KCNIP4: variants seen among roughly 807,000 people sequenced by gnomAD.
KCNIP4 encodes Kv channel-interacting protein 4.
In KCNIP4, 12 loss-of-function variants were observed where a neutral mutation model predicts 34.0. The ratio of observed to expected loss-of-function variants is 0.35; its 90% CI spans 0.23 to 0.57. The LOEUF is 0.57. KCNIP4 is among the 20% of genes least tolerant of loss of function. The pLI is 0.83. For synonymous variants in KCNIP4, 124 were observed against 102.2 expected (o/e 1.21, Z -1.29); for missense variants, 238 against 311.7 (o/e 0.76, Z 1.78).
chr4:21,147,962 A>AAAAAAAAAAAAAAAAAAAAAT (rs1553945858), intron 1 of KCNIP4, among the ~76,000 whole-genome samples: 1 of 123,874 alleles, frequency 8.1e-6, no homozygotes, highest in Non-Finnish European at 1.7e-5. Context: ...AAAAAAAAAG[A>AAAAAAAAAAAAAAAAAAAAAT]AAAAAAGTTC....
intron 1 of KCNIP4, among the ~76,000 whole-genome samples, chr4:20,988,048 T>C (rs923544077): frequency 6.8e-6 from 1 of 147,474 alleles, no homozygotes; most frequent in Admixed American, 6.9e-5. Context: ...AATTTAATCC[T>C]TTTATAGTTC....
Position 20,730,314 on chromosome 4 carries a change from G to C in KCNIP4, c.706-185C>G, listed in dbSNP as rs1398854127. The stretch of plus-strand genomic sequence containing the variant: ...ATCCATTTTCCACATAGATGACTAT[G>C]AAGGACCCATTTTATATTTTGTGGA... On this transcript the variant is annotated intron_variant, in intron 8 of 8. Coordinates refer to ENST00000382152, the MANE Select transcript of KCNIP4 (RefSeq NM_025221.6). Among the ~76,000 whole-genome samples the C allele has an allele frequency of 2.6e-5, 4 of 152,146 alleles. No individual in the cohort carries two copies. In the East Asian group the frequency reaches 7.7e-4, roughly 29 times the overall value.
intron 1 of KCNIP4, among the ~76,000 whole-genome samples, chr4:21,533,649 A>G (rs1246395072): frequency 2.6e-5 from 4 of 152,128 alleles, no homozygotes; most frequent in African/African-American, 9.7e-5. Flanking sequence ...GGAAAAACAG[A>G]AAAAAACTTT....
At chr4:20,900,700 G>A (rs954740994) in intron 1 of KCNIP4, among the ~76,000 whole-genome samples, 1 of 152,060 alleles carries the variant, frequency 6.6e-6, no homozygotes, top group African/African-American at 2.4e-5. Context: ...CTCACCTTAG[G>A]CTACTAGTTA....
At chr4:21,670,813 G>T (rs917464150) in intron 1 of KCNIP4, among the ~76,000 whole-genome samples, 10 of 151,926 alleles carry the variant, frequency 6.6e-5, no homozygotes, top group Admixed American at 5.2e-4. Context: ...CTGCAACCAC[G>T]CCCGGCTTAT....
At chr4:21,075,389 G>T (rs928933540) in intron 1 of KCNIP4, among the ~76,000 whole-genome samples, 2 of 152,130 alleles carry the variant, frequency 1.3e-5, no homozygotes, top group African/African-American at 4.8e-5. Flanking sequence ...TTACCATTAT[G>T]TAATGGCCTT....
At chr4:21,743,767 A>G (rs574892555) in intron 1 of KCNIP4, among the ~76,000 whole-genome samples, 1 of 150,916 alleles carries the variant, frequency 6.6e-6, no homozygotes, top group South Asian at 2.1e-4. Flanking sequence ...CACCACCAAG[A>G]TAACAAGAGA....
Position 21,292,158 on chromosome 4 carries a change from C to A in KCNIP4, c.62-409449G>T, listed in dbSNP as rs28678874. 5.6e-3 allele frequency among the ~76,000 whole-genome samples: 845 copies of A among 152,212 alleles called. 11 individuals carry two copies. The highest frequency in any genetic ancestry group is 0.019 in the African/African-American group (788 of 41,520). On this transcript the variant is annotated intron_variant, in intron 1 of 8. Coordinates refer to ENST00000382152, the MANE Select transcript of KCNIP4 (RefSeq NM_025221.6). ...ACTATTTGAACACATTTTGCTGGGT[C>A]TTCTCCCTGAGATATTTTACAAATT...
At chr4:21,676,451 G>C (rs912642736) in intron 1 of KCNIP4, among the ~76,000 whole-genome samples, 1 of 152,160 alleles carries the variant, frequency 6.6e-6, no homozygotes, top group South Asian at 2.1e-4. Flanking sequence ...GTTAAAGAAT[G>C]ATTATTTTTA....
chr4:21,600,143 G>C (rs1485935977), intron 1 of KCNIP4, among the ~76,000 whole-genome samples: 1 of 152,012 alleles, frequency 6.6e-6, no homozygotes, highest in Non-Finnish European at 1.5e-5. Flanking sequence ...GCCAGGCTTG[G>C]TGATGCTAAG....
intron 1 of KCNIP4, among the ~76,000 whole-genome samples, chr4:21,784,839 T>A (rs1719796229): frequency 6.6e-6 from 1 of 152,194 alleles, no homozygotes; most frequent in African/African-American, 2.4e-5. Flanking sequence ...CCAGAGTAAA[T>A]TTGATCACAC....
chr4:21,800,856 G>C (rs6448090), intron 1 of KCNIP4, among the ~76,000 whole-genome samples: 148,939 of 152,304 alleles, frequency 0.98, 72,915 homozygotes, highest in East Asian at 1. Flanking sequence ...AAACTCTCCC[G>C]ATGGCCTCAG....
chr4:21,382,451 T>C (rs1721594929), intron 1 of KCNIP4, among the ~76,000 whole-genome samples: 1 of 152,140 alleles, frequency 6.6e-6, no homozygotes. Context: ...AGAGGACCAA[T>C]AAGTTCAAAG....
chr4:21,231,253 T>A (rs1295002890), intron 1 of KCNIP4, among the ~76,000 whole-genome samples: 2 of 152,194 alleles, frequency 1.3e-5, no homozygotes, highest in African/African-American at 2.4e-5. Context: ...ATTCTTATTT[T>A]CTTAATGCAA....
chr4:21,401,668 C>T (rs1388198741), intron 1 of KCNIP4, among the ~76,000 whole-genome samples: 7 of 152,208 alleles, frequency 4.6e-5, no homozygotes, highest in African/African-American at 1.4e-4. Context: ...AGTATCCCAT[C>T]TGCAATGAGA....
intron 1 of KCNIP4, among the ~76,000 whole-genome samples, chr4:21,358,776 C>A (rs779505844): frequency 4.6e-5 from 7 of 152,078 alleles, no homozygotes; most frequent in Non-Finnish European, 1.0e-4. Flanking sequence ...GAGATAAATG[C>A]ATATCTGATT....
chr4:21,666,622 A>G (rs1367358969), intron 1 of KCNIP4, among the ~76,000 whole-genome samples: 1 of 152,240 alleles, frequency 6.6e-6, no homozygotes, highest in Non-Finnish European at 1.5e-5. Context: ...AGGAGATGAT[A>G]TCTTATAAAG....
intron 1 of KCNIP4, among the ~76,000 whole-genome samples, chr4:21,412,474 C>G (rs926562811): frequency 4.6e-5 from 7 of 152,138 alleles, no homozygotes; most frequent in African/African-American, 1.7e-4. Context: ...TCTGGATTAG[C>G]CATTTATTAG....
intron 1 of KCNIP4, among the ~76,000 whole-genome samples, chr4:21,343,089 T>C (rs1354672200): frequency 6.6e-6 from 1 of 152,120 alleles, no homozygotes; most frequent in Non-Finnish European, 1.5e-5. Context: ...AAGAAAGGGT[T>C]TATGAAAGAT....
Sources: gnomAD v4.1 joint callset for allele counts (sites outside exome capture counted in the v4.1 genomes callset) on GRCh38, gnomAD v4.1.1 for gene constraint, MANE v1.5 for transcripts, NCBI Gene and HGNC (gene_info 2026-07-23, HGNC 2026-07-21) for gene names.